PICALM: variants seen among roughly 807,000 people sequenced by gnomAD.
PICALM encodes phosphatidylinositol binding clathrin assembly protein, also known as phosphatidylinositol-binding clathrin assembly protein.
A neutral mutation model predicts 80.5 loss-of-function variants in PICALM; 40 were observed. The observed-to-expected ratio is 0.50, with a 90% CI of 0.39 to 0.65. PICALM has a LOEUF of 0.65. Among genes scored for constraint, PICALM ranks in the 30% least tolerant of loss-of-function variants. PICALM has a pLI of 0.00. For missense variants in PICALM, 676 were observed against 778.9 expected, an observed-to-expected ratio of 0.87 and a Z score of 1.57; for synonymous variants, 288 against 260.3, an observed-to-expected ratio of 1.11 and a Z score of -1.02.
At chr11:86,063,077 A>G (rs2137758629) in intron 1 of PICALM, among the ~76,000 whole-genome samples, 1 of 152,362 alleles carries the variant, frequency 6.6e-6, no homozygotes, top group South Asian at 2.1e-4. Flanking sequence ...AACAAAGGAG[A>G]AACAACTATG....
chr11:86,002,115 A>G (rs2136119742), intron 9 of PICALM, among the ~76,000 whole-genome samples: 1 of 152,326 alleles, frequency 6.6e-6, no homozygotes, highest in South Asian at 2.1e-4. Flanking sequence ...TTTATGATAA[A>G]CATTTCAGGT....
intron 3 of PICALM, among the ~76,000 whole-genome samples, chr11:86,025,330 G>A (rs1349993941): frequency 1.3e-5 from 2 of 151,954 alleles, no homozygotes; most frequent in Non-Finnish European, 2.9e-5. Context: ...AACCCGGGAG[G>A]CGGAGGTTGC....
At position 86,061,158 on chromosome 11, in the gene PICALM, A is replaced by G. The variant is rs141508537; in HGVS notation, c.130+7493T>C. On this transcript the variant is annotated intron_variant, in intron 1 of 19. Transcript: ENST00000393346. The stretch of plus-strand genomic sequence containing the variant: ...AGCCTGGCTAATATGGTCAAACGCC[A>G]TCTCTACTAAAAATACAAAAATTAG... Among the ~76,000 whole-genome samples, 1,339 of 151,958 alleles carry G rather than the reference A, an allele frequency of 8.8e-3. 65 individuals carry two copies. Among genetic ancestry groups the G allele is most frequent in the Non-Finnish European group, 1.8e-3 (119 of 67,958 alleles).
At chr11:86,060,735 CAAA>C (rs61642872) in intron 1 of PICALM, among the ~76,000 whole-genome samples, 2 of 132,876 alleles carry the variant, frequency 1.5e-5, no homozygotes, top group African/African-American at 2.9e-5. Flanking sequence ...TATCCACAGG[CAAA>C]AAAAAAAAAA....
chr11:86,062,133 A>G (rs2096376636), intron 1 of PICALM, among the ~76,000 whole-genome samples: 1 of 152,216 alleles, frequency 6.6e-6, no homozygotes, highest in South Asian at 2.1e-4. Flanking sequence ...GGGGGAGCAC[A>G]GAGTATTTCA....
chr11:86,007,642 T>C (rs1405415645), intron 7 of PICALM, 59 bp from the exon 8 acceptor site: 3 of 754,820 alleles, frequency 4.0e-6, no homozygotes, highest in Non-Finnish European at 5.9e-6. Context: ...AAATAAAATT[T>C]GGAAAAATGA....
Position 86,067,121 on chromosome 11 carries a change from T to C in PICALM, c.130+1530A>G, listed in dbSNP as rs554165878. ...TAATAGGCTTCTGTGTAGCAAAAACTTGTTCTAACAGCATTCATGAGCACA... is the reference window on the plus strand; with the variant it reads ...TAATAGGCTTCTGTGTAGCAAAAACCTGTTCTAACAGCATTCATGAGCACA... On this transcript the variant is annotated intron_variant, in intron 1 of 19. Coordinates refer to ENST00000393346, the MANE Select transcript of PICALM (RefSeq NM_007166.4). 5.3e-5 allele frequency among the ~76,000 whole-genome samples: 8 copies of C among 152,346 alleles called. No individual in the cohort carries two copies. The South Asian group carries it at 1.4e-3, about 28-fold the overall frequency.
chr11:85,989,454 T>G (rs1254274607), intron 13 of PICALM, among the ~76,000 whole-genome samples: 1 of 152,188 alleles, frequency 6.6e-6, no homozygotes, highest in Non-Finnish European at 1.5e-5. Flanking sequence ...ATATTTAAAT[T>G]CACATCACCG....
Position 85,959,063 on chromosome 11 carries a change from G to A in PICALM, c.1945-3C>T. On this transcript the variant is annotated splice_polypyrimidine_tract_variant and splice_region_variant and intron_variant, in intron 19 of 19. Coordinates refer to ENST00000393346, the MANE Select transcript of PICALM (RefSeq NM_007166.4). ...CCATCAAGTTACATAAACTGTATCT[G>A]GAAAAAAAAAGTGGGTATGTTAATT... 6.4e-7 allele frequency: 1 copy of A among 1,574,162 alleles called. No homozygotes were observed. The highest frequency in any genetic ancestry group is 8.7e-7 in the Non-Finnish European group (1 of 1,152,956).
intron 17 of PICALM, chr11:85,978,370 A>G (rs1028131893): frequency 4.2e-6 from 1 of 237,856 alleles, no homozygotes; most frequent in Non-Finnish European, 8.3e-6. Flanking sequence ...CAACAGTGTC[A>G]ACAGTGCAAA....
chr11:86,069,104 G>C (rs1168417034), upstream of PICALM: 5 of 295,082 alleles, frequency 1.7e-5, no homozygotes, highest in African/African-American at 4.3e-5. Context: ...CTCCTCCTCG[G>C]AGCTTTCCGG....
Position 86,011,071 on chromosome 11 carries a change from T to G in PICALM, c.724A>C (p.Thr242Pro). 1 of 1,560,072 alleles carries G rather than the reference T, an allele frequency of 6.4e-7. No individual in the cohort carries two copies. The highest frequency in any genetic ancestry group is 8.8e-7 in the Non-Finnish European group (1 of 1,139,990). ...EGLDIYKKFL[T>P]RMTRISEFLK... ...AACTCTGAGATTCTTGTCATCCTAGTTAGGAACTTCTTATAGATGTCAAGA... is the reference window on the plus strand; with the variant it reads ...AACTCTGAGATTCTTGTCATCCTAGGTAGGAACTTCTTATAGATGTCAAGA... Residue 242 changes from threonine (T) to proline (P), a missense_variant, in exon 7 of 20, where the codon ACT (threonine) becomes CCT (proline). By Grantham distance (38) the Thr-to-Pro change is conservative (BLOSUM62 -1). Around this residue, in one of 2 missense-constraint regions of PICALM, gnomAD observed 285 missense variants for 395.4 expected, o/e 0.72. Coordinates refer to ENST00000393346, the MANE Select transcript of PICALM (RefSeq NM_007166.4).
intron 1 of PICALM, among the ~76,000 whole-genome samples, chr11:86,056,110 G>A: frequency 9.1e-6 from 1 of 110,322 alleles, no homozygotes; most frequent in South Asian, 2.7e-4. Flanking sequence ...ACTCTAGCCT[G>A]GGTGACAGAA....
At chr11:85,982,432 T>TTTTTATTTTTTTTTA (rs2094468678) in intron 14 of PICALM, among the ~76,000 whole-genome samples, 1 of 117,290 alleles carries the variant, frequency 8.5e-6, no homozygotes, top group African/African-American at 3.4e-5. Context: ...ACTTTTTTTT[T>TTTTTATTTTTTTTTA]TTTTTTGAGA....
intron 1 of PICALM, among the ~76,000 whole-genome samples, chr11:86,059,819 A>T (rs2137631464): frequency 6.6e-6 from 1 of 152,232 alleles, no homozygotes. Flanking sequence ...AACTTTTGGC[A>T]CAATTGATAC....
chr11:85,991,301 A>G (rs976418730), intron 12 of PICALM, among the ~76,000 whole-genome samples: 2 of 152,198 alleles, frequency 1.3e-5, no homozygotes, highest in African/African-American at 4.8e-5. Flanking sequence ...ATACTCCTGT[A>G]ATTCTCAACA....
intron 1 of PICALM, among the ~76,000 whole-genome samples, chr11:86,042,228 C>T (rs2095984289): frequency 6.6e-6 from 1 of 151,952 alleles, no homozygotes; most frequent in Admixed American, 6.6e-5. Context: ...TACCTTAGGC[C>T]CATCCTAGAT....
In PICALM at chr11:85,996,483, A is replaced by AC. The variant is rs1355958474; in HGVS notation, c.1258+342_1258+343insG. On this transcript the variant is annotated intron_variant, in intron 12 of 19. Coordinates refer to ENST00000393346, the MANE Select transcript of PICALM (RefSeq NM_007166.4). ...TATTCCCCAAAAGTTAAAAAAAAAA[A>AC]ATTCTACACCAAAATCGAAATAACC... Among the ~76,000 whole-genome samples the AC allele has an allele frequency of 2.6e-5, 4 of 152,262 alleles. No homozygotes were observed. In the East Asian group the frequency reaches 7.7e-4, roughly 29 times the overall value.
rs767210769 is a variant in PICALM, at chr11:86,000,791, G to A, written c.1018-12C>T. On this transcript the variant is annotated splice_polypyrimidine_tract_variant and intron_variant, in intron 10 of 19. Coordinates refer to ENST00000393346, the MANE Select transcript of PICALM (RefSeq NM_007166.4). ...TTTAGGCGCTGTTCCTGTTAAGAAA[G>A]GGAACTACCATAAGGATTCCAGAAA... The A allele has an allele frequency of 6.8e-6, 11 of 1,611,308 alleles. No individual in the cohort carries two copies. The highest frequency in any genetic ancestry group is 9.3e-6 in the Non-Finnish European group (11 of 1,179,414).
Sources: allele counts gnomAD v4.1 joint callset (sites outside exome capture counted in the v4.1 genomes callset), GRCh38; gene constraint gnomAD v4.1.1; regional missense constraint gnomAD v4.1.1; transcripts MANE v1.5; gene names NCBI Gene and HGNC (gene_info 2026-07-23, HGNC 2026-07-21).